Variants in TNRC6B observed in about 807,000 individuals in gnomAD.
The protein encoded by TNRC6B is trinucleotide repeat containing adaptor 6B.
Under a neutral mutation model 203.6 loss-of-function variants are expected in TNRC6B, and 52 were observed. That is an observed-to-expected ratio of 0.26 (90% CI 0.20 to 0.32). The LOEUF is 0.32. Among genes scored for constraint, TNRC6B ranks in the 10% least tolerant of loss-of-function variants. The probability of loss-of-function intolerance (pLI) is 1.00; values close to 1 mark genes in which losing one functional copy is unlikely to be tolerated. For missense variants in TNRC6B, 1,923 were observed against 2,286.2 expected (o/e 0.84, Z 3.24); for synonymous variants, 838 against 845.7 (o/e 0.99, Z 0.16).
At chr22:40,103,342 A>G (rs1395186606) in intron 1 of TNRC6B, among the ~76,000 whole-genome samples, 3 of 150,852 alleles carry the variant, frequency 2.0e-5, no homozygotes, top group African/African-American at 7.3e-5. Flanking sequence ...CCGTCAACCC[A>G]CAGAGATCCC....
At chr22:40,303,220 T>C (rs535569568) in intron 15 of TNRC6B, among the ~76,000 whole-genome samples, 5 of 152,012 alleles carry the variant, frequency 3.3e-5, no homozygotes, top group African/African-American at 1.2e-4. Flanking sequence ...GAGATGGGGT[T>C]TCACCATGTT....
chr22:40,307,238 C>T (rs1274964980), intron 15 of TNRC6B, among the ~76,000 whole-genome samples: 14 of 152,104 alleles, frequency 9.2e-5, no homozygotes, highest in Admixed American at 9.2e-4. Flanking sequence ...AAAACACAAC[C>T]TGATCCCTTA....
rs568234687 is a variant in TNRC6B, at chr22:40,054,359, C to G, written c.-121+9361C>G. 6.6e-5 allele frequency among the ~76,000 whole-genome samples: 10 copies of G among 152,268 alleles called. No individual in the cohort carries two copies. The South Asian group carries it at 2.1e-3, about 32-fold the overall frequency. Reference sequence around the variant, plus strand: ...TGTCTTCCCCCTTGCTGAGTGTACTCTCACCATACTGACCCTCTTCAAGTT... The same window carrying G: ...TGTCTTCCCCCTTGCTGAGTGTACTGTCACCATACTGACCCTCTTCAAGTT... On this transcript the variant is annotated intron_variant, in intron 1 of 23. Coordinates refer to the TNRC6B transcript ENST00000301923.
At chr22:40,052,619 G>T (rs945874488) in intron 1 of TNRC6B, among the ~76,000 whole-genome samples, 2 of 151,772 alleles carry the variant, frequency 1.3e-5, no homozygotes, top group Non-Finnish European at 2.9e-5. Flanking sequence ...TCCACACCTG[G>T]CTCATGTTTT....
rs2071126376 is a variant in TNRC6B, at chr22:40,308,555, G to A, written c.4164G>A (p.Lys1388=). ...GGMDYGMVGG[K]EAGTESRFKQ... ...TGGACTATGGCATGGTTGGTGGGAA[G>A]GAGGCTGGAACCGAGTCTCGCTTTA... Residue 1388 remains lysine (K), a synonymous_variant, in exon 16 of 23, where the codon AAG becomes AAA. Coordinates refer to ENST00000454349, the MANE Select transcript of TNRC6B (RefSeq NM_001162501.2). The A allele has an allele frequency of 5.0e-6, 8 of 1,613,894 alleles. No individual in the cohort carries two copies. The highest frequency in any genetic ancestry group is 6.8e-6 in the Non-Finnish European group (8 of 1,179,896).
chr22:40,317,151 G>T (rs374260901), intron 21 of TNRC6B, among the ~76,000 whole-genome samples: 4 of 152,196 alleles, frequency 2.6e-5, no homozygotes, highest in East Asian at 1.9e-4. Context: ...TTCTTAATAT[G>T]GATCTCATGC....
intron 1 of TNRC6B, among the ~76,000 whole-genome samples, chr22:40,110,041 A>G (rs2068319332): frequency 6.6e-6 from 1 of 152,236 alleles, no homozygotes; most frequent in African/African-American, 2.4e-5. Context: ...ATTTGTGAAC[A>G]ATCTCACCTC....
intron 1 of TNRC6B, among the ~76,000 whole-genome samples, chr22:40,214,838 ACCACCACACCCAG>A (rs1378081165): frequency 6.6e-6 from 1 of 152,134 alleles, no homozygotes; most frequent in Non-Finnish European, 1.5e-5. Context: ...ACAGGCATGA[ACCACCACACCCAG>A]CCTTGTGTTG....
intron 3 of TNRC6B, 70 bp from the exon 4 acceptor site, chr22:40,261,762 A>T: frequency 8.1e-7 from 1 of 1,238,132 alleles, no homozygotes; most frequent in Non-Finnish European, 1.1e-6. Flanking sequence ...TAATAAAATT[A>T]TTTTTAAAAT....
chr22:40,075,732 T>C (rs1405682906), intron 1 of TNRC6B, among the ~76,000 whole-genome samples: 5 of 152,196 alleles, frequency 3.3e-5, no homozygotes, highest in African/African-American at 1.2e-4. Context: ...TGATTACTTT[T>C]TTACTATTCC....
chr22:40,328,138 C>T lies in TNRC6B; in HGVS notation c.*4897C>T, dbSNP rs1487291930. 2.0e-5 allele frequency: 3 copies of T among 152,308 alleles called. No individual in the cohort carries two copies. Among genetic ancestry groups the T allele is most frequent in the Admixed American group, 6.5e-5 (1 of 15,304 alleles). 9.4% of individuals were successfully genotyped at this position (152,308 alleles called of 1,614,324 possible). A position where few individuals can be genotyped will look rare whatever the true frequency, so the allele number is the denominator to read the frequency against. ...TGATCCCTCAGTCCCCAACCCTGGA[C>T]GTGTTTCATTTACAACATTCATAGG... is the stretch of plus-strand genomic sequence containing the variant. On this transcript the variant is annotated 3_prime_UTR_variant, in exon 23 of 23. Transcript: ENST00000454349.
chr22:40,175,216 G>A (rs2069044209), upstream of TNRC6B, among the ~76,000 whole-genome samples: 1 of 151,876 alleles, frequency 6.6e-6, no homozygotes, highest in African/African-American at 2.4e-5. Context: ...AATTATCTGG[G>A]CATGGTGGCA....
chr22:40,250,781 T>G (rs1253823328), intron 2 of TNRC6B, among the ~76,000 whole-genome samples: 1 of 152,184 alleles, frequency 6.6e-6, no homozygotes, highest in Non-Finnish European at 1.5e-5. Context: ...AGATTTCAGA[T>G]CAAGTGTTTG....
At chr22:40,241,050 AAAATCCCTGG>A (rs1271088553) in intron 1 of TNRC6B, among the ~76,000 whole-genome samples, 1 of 152,198 alleles carries the variant, frequency 6.6e-6, no homozygotes, top group Non-Finnish European at 1.5e-5. Flanking sequence ...GGGACTTCTG[AAAATCCCTGG>A]AGATTTCTAT....
chr22:40,299,843 G>A (rs1299741011), intron 12 of TNRC6B, among the ~76,000 whole-genome samples: 1 of 152,210 alleles, frequency 6.6e-6, no homozygotes, highest in Non-Finnish European at 1.5e-5. Context: ...ACCAAAGATA[G>A]GAGGGAATCC....
chr22:40,283,655 A>G (rs1007473641), intron 11 of TNRC6B, among the ~76,000 whole-genome samples: 1 of 152,104 alleles, frequency 6.6e-6, no homozygotes, highest in African/African-American at 2.4e-5. Flanking sequence ...TACCTATATT[A>G]TTGTCCATTC....
intron 3 of TNRC6B, among the ~76,000 whole-genome samples, chr22:40,126,580 ATTT>A (rs955369459): frequency 7.9e-5 from 7 of 88,782 alleles, no homozygotes; most frequent in Non-Finnish European, 1.3e-4. Flanking sequence ...ACGTTATTTA[ATTT>A]TTTTTTTTTT....
At chr22:40,071,080 G>A (rs1033258681) in intron 1 of TNRC6B, among the ~76,000 whole-genome samples, 2 of 152,016 alleles carry the variant, frequency 1.3e-5, no homozygotes, top group African/African-American at 2.4e-5. Context: ...TAGCTCTAAT[G>A]TTTGCTAGCA....
chr22:40,304,673 T>C (rs2071068088), intron 15 of TNRC6B, among the ~76,000 whole-genome samples: 2 of 152,212 alleles, frequency 1.3e-5, no homozygotes, highest in Admixed American at 1.3e-4. Context: ...TTGGTTACCG[T>C]GGATATCTGA....
Sources: allele counts gnomAD v4.1 joint callset (sites outside exome capture counted in the v4.1 genomes callset), GRCh38; gene constraint gnomAD v4.1.1; transcripts MANE v1.5; gene names NCBI Gene and HGNC (gene_info 2026-07-23, HGNC 2026-07-21).